ALDH1L1: variants seen among roughly 807,000 people sequenced by gnomAD.
ALDH1L1 encodes the protein cytosolic 10-formyltetrahydrofolate dehydrogenase.
A neutral mutation model predicts 101.1 loss-of-function variants in ALDH1L1; 68 were observed. The ratio of observed to expected loss-of-function variants is 0.67; its 90% CI spans 0.55 to 0.82. ALDH1L1 has a LOEUF of 0.82. ALDH1L1 is among the 40% of genes least tolerant of loss of function. ALDH1L1 has a pLI of 0.00. For missense variants in ALDH1L1, 1,087 were observed against 1,172.7 expected, an observed-to-expected ratio of 0.93 and a Z score of 1.07; for synonymous variants, 486 against 470.8, an observed-to-expected ratio of 1.03 and a Z score of -0.42.
In ALDH1L1 at chr3:126,106,553, G is replaced by A. The variant is rs61653186; in HGVS notation, c.2453+588C>T. On this transcript the variant is annotated intron_variant, in intron 21 of 22. Transcript: ENST00000393434. ...TGACTTGCTTCATCAACAGGCCGTGGTGGAAGGGATGCTCTGGGATTCTAA... is the reference window on the plus strand; with the variant it reads ...TGACTTGCTTCATCAACAGGCCGTGATGGAAGGGATGCTCTGGGATTCTAA... Among the ~76,000 whole-genome samples the A allele has an allele frequency of 2.1e-3, 321 of 152,284 alleles. 2 individuals are homozygous for A. The highest frequency in any genetic ancestry group is 7.2e-3 in the African/African-American group (301 of 41,562).
chr3:126,140,168 A>G (rs2080540971), intron 9 of ALDH1L1, among the ~76,000 whole-genome samples: 1 of 152,148 alleles, frequency 6.6e-6, no homozygotes, highest in African/African-American at 2.4e-5. Context: ...CAAGAGAGAA[A>G]TGGCTTGTTA....
At chr3:126,171,652 A>ATT (rs761109604) in intron 1 of ALDH1L1, among the ~76,000 whole-genome samples, 31 of 152,230 alleles carry the variant, frequency 2.0e-4, no homozygotes, top group Non-Finnish European at 4.1e-4. Context: ...GAAAGCAGTC[A>ATT]TTTTTTTCTC....
chr3:126,164,168 C>A (rs2108310539), intron 1 of ALDH1L1, among the ~76,000 whole-genome samples: 1 of 151,320 alleles, frequency 6.6e-6, no homozygotes, highest in South Asian at 2.1e-4. Context: ...TAGGGCGGGG[C>A]AGGGCAGGGT....
At position 126,109,616 on chromosome 3, in the gene ALDH1L1, A is replaced by G. The variant is rs190039234; in HGVS notation, c.2347+328T>C. Among the ~76,000 whole-genome samples the G allele has an allele frequency of 4.6e-3, 698 of 152,348 alleles. 5 individuals are homozygous for G. The highest frequency in any genetic ancestry group is 0.015 in the African/African-American group (637 of 41,580). On this transcript the variant is annotated intron_variant, in intron 20 of 22. Coordinates refer to ENST00000393434, the MANE Select transcript of ALDH1L1 (RefSeq NM_012190.4). ...GTGAAGCAACGGCTGAGAGGTTAAC[A>G]GCCAGTGAAATAGAGGAAAAATAAT...
At chr3:126,156,938 A>G (rs879424441) in intron 4 of ALDH1L1, among the ~76,000 whole-genome samples, 4 of 152,208 alleles carry the variant, frequency 2.6e-5, no homozygotes, top group African/African-American at 4.8e-5. Flanking sequence ...AGGGCAGCCA[A>G]ACTGAGAATG....
intron 17 of ALDH1L1, 64 bp from the exon 18 acceptor site, chr3:126,114,720 A>G: frequency 6.7e-7 from 1 of 1,490,448 alleles, no homozygotes; most frequent in Non-Finnish European, 9.3e-7. Flanking sequence ...TTGGGACCCC[A>G]GGTGGCAGGG....
rs72965956 is a variant in ALDH1L1, at chr3:126,105,876, C to A, written c.2503G>T (p.Ala835Ser). The change falls in exon 22 of 23, where the codon GCT becomes TCT. Residue 835 changes from alanine (A) to serine (S), a missense_variant. Around this residue, in one of 2 missense-constraint regions of ALDH1L1, gnomAD observed 442 missense variants for 535.7 expected, o/e 0.83. Coordinates refer to ENST00000393434, the MANE Select transcript of ALDH1L1 (RefSeq NM_012190.4). ...ATGTCCCTGGTGAAGACACCAGAAG[C>A]CAGGCCAAATTCCGTGGCATTGGCC... is the stretch of plus-strand genomic sequence containing the variant. Reference protein sequence around the residue: ...SRANATEFGLASGVFTRDINK... With the variant: ...SRANATEFGLSSGVFTRDINK... 1,876 of 1,614,166 alleles carry A rather than the reference C, an allele frequency of 1.2e-3. 16 individuals are homozygous for A. In the African/African-American group the frequency reaches 0.022, roughly 19 times the overall value.
At position 126,160,911 on chromosome 3, in the gene ALDH1L1, G is replaced by T; in HGVS notation, c.69C>A (p.Gly23=). The change falls in exon 2 of 23, where the codon GGC becomes GGA. Residue 23 remains glycine (G), a synonymous_variant. Coordinates refer to ENST00000393434, the MANE Select transcript of ALDH1L1 (RefSeq NM_012190.4). The part of the protein sequence containing the change: ...QEVYCHLRKE[G]HEVVGVFTVP... ...CAGTGAACACACCCACCACTTCGTG[G>T]CCCTCCTTCCTCAGGTGGCAGTAAA... 3 of 1,614,262 alleles carry T rather than the reference G, an allele frequency of 1.9e-6. No homozygotes were observed. The highest frequency in any genetic ancestry group is 2.5e-6 in the Non-Finnish European group (3 of 1,180,042).
At position 126,107,001 on chromosome 3, in the gene ALDH1L1, C is replaced by T. The variant is rs146266752; in HGVS notation, c.2453+140G>A. ...GGGTGTGGAGACTCAGCAGGCGGCA[C>T]AAGCGGGGTGTCCACGGCTTGCGCC... is the stretch of plus-strand genomic sequence containing the variant. On this transcript the variant is annotated intron_variant, in intron 21 of 22. Transcript: ENST00000393434. 1.7e-3 allele frequency: 1,235 copies of T among 730,116 alleles called. 11 individuals carry two copies. In the African/African-American group the frequency reaches 0.019, roughly 11 times the overall value. 45.2% of individuals were successfully genotyped at this position (730,116 alleles called of 1,614,324 possible). A position where few individuals can be genotyped will look rare whatever the true frequency, so the allele number is the denominator to read the frequency against.
chr3:126,123,257 CTTTTTTTT>C (rs138624090), intron 16 of ALDH1L1, among the ~76,000 whole-genome samples: 2 of 138,656 alleles, frequency 1.4e-5, no homozygotes, highest in Admixed American at 7.2e-5. Flanking sequence ...CACCAAAACT[CTTTTTTTT>C]TTTTTTTTTT....
At chr3:126,103,950 C>G (rs1284072368) in intron 22 of ALDH1L1, 104 bp from the exon 23 acceptor site, 2 of 1,291,706 alleles carry the variant, frequency 1.5e-6, no homozygotes, top group African/African-American at 2.9e-5. Context: ...GCAGCTCTGG[C>G]TCACCCCACT....
chr3:126,144,574 C>G (rs1489290874), intron 9 of ALDH1L1, among the ~76,000 whole-genome samples: 2 of 152,156 alleles, frequency 1.3e-5, no homozygotes, highest in East Asian at 3.8e-4. Flanking sequence ...TAATCTTCAA[C>G]AAGGGTGCCA....
chr3:126,150,568 T>C, intron 7 of ALDH1L1, 37 bp from the exon 8 acceptor site: 1 of 1,525,910 alleles, frequency 6.6e-7, no homozygotes, highest in Non-Finnish European at 8.8e-7. Flanking sequence ...TTCTTTTCTT[T>C]TTTTGAGACA....
intron 7 of ALDH1L1, chr3:126,153,118 C>T (rs2080836973): frequency 4.2e-5 from 17 of 400,888 alleles, no homozygotes; most frequent in South Asian, 3.6e-4. Context: ...AAGAGAGGCC[C>T]TGAACCCAGG....
At chr3:126,126,472 C>T (rs2108224481) in intron 14 of ALDH1L1, among the ~76,000 whole-genome samples, 1 of 152,302 alleles carries the variant, frequency 6.6e-6, no homozygotes, top group South Asian at 2.1e-4. Flanking sequence ...ACCACCATCA[C>T]TGGGTGTTTC....
chr3:126,168,990 C>T (rs900948541), intron 1 of ALDH1L1, among the ~76,000 whole-genome samples: 2 of 152,056 alleles, frequency 1.3e-5, no homozygotes, highest in Non-Finnish European at 2.9e-5. Context: ...ATCTTCAAAA[C>T]GTGGTTTATA....
chr3:126,158,005 G>A (rs1217255018), intron 3 of ALDH1L1, among the ~76,000 whole-genome samples: 2 of 152,118 alleles, frequency 1.3e-5, no homozygotes, highest in Non-Finnish European at 2.9e-5. Context: ...GAAGTGTGCT[G>A]CCCAGAGCAG....
intron 1 of ALDH1L1, among the ~76,000 whole-genome samples, chr3:126,192,945 A>G (rs1401533161): frequency 1.3e-5 from 2 of 152,184 alleles, no homozygotes; most frequent in African/African-American, 2.4e-5. Context: ...CAGGAATCGG[A>G]GGTGAGGTAC....
intron 16 of ALDH1L1, 72 bp downstream of exon 16, chr3:126,124,292 T>C (rs948382603): frequency 2.0e-4 from 272 of 1,369,956 alleles, no homozygotes; most frequent in Non-Finnish European, 2.7e-4. Flanking sequence ...CACTATCCAG[T>C]AGGGCCTGCT....
Sources: allele counts gnomAD v4.1 joint callset (sites outside exome capture counted in the v4.1 genomes callset), GRCh38; gene constraint gnomAD v4.1.1; regional missense constraint gnomAD v4.1.1; transcripts MANE v1.5; gene names NCBI Gene and HGNC (gene_info 2026-07-23, HGNC 2026-07-21).